FRMD5: variants seen among roughly 807,000 people sequenced by gnomAD.
FRMD5 encodes FERM domain-containing protein 5.
Under a neutral mutation model 69.0 loss-of-function variants are expected in FRMD5, and 20 were observed. The ratio of observed to expected loss-of-function variants is 0.29; its 90% CI spans 0.20 to 0.42. FRMD5 has a LOEUF of 0.42. FRMD5 is among the 10% of genes least tolerant of loss of function. The probability of loss-of-function intolerance (pLI) is 1.00; values close to 1 mark genes in which losing one functional copy is unlikely to be tolerated. For missense variants in FRMD5, 595 were observed against 708.6 expected, an observed-to-expected ratio of 0.84 and a Z score of 1.82; for synonymous variants, 271 against 260.1, an observed-to-expected ratio of 1.04 and a Z score of -0.40.
intron 1 of FRMD5, among the ~76,000 whole-genome samples, chr15:44,039,072 A>G (rs903349824): frequency 1.3e-5 from 2 of 152,190 alleles, no homozygotes; most frequent in Non-Finnish European, 2.9e-5. Flanking sequence ...AGCCTCTCGT[A>G]AGTCTGAACT....
intron 3 of FRMD5, 49 bp downstream of exon 3, chr15:43,919,718 C>T: frequency 6.4e-7 from 1 of 1,570,338 alleles, no homozygotes; most frequent in African/African-American, 1.3e-5. Context: ...AGGTTTCGTC[C>T]CACCCTCCCC....
chr15:44,007,258 T>C (rs1490886691), intron 1 of FRMD5, among the ~76,000 whole-genome samples: 1 of 152,184 alleles, frequency 6.6e-6, no homozygotes, highest in African/African-American at 2.4e-5. Flanking sequence ...CTTGACAGAC[T>C]ACAGTATAGT....
chr15:44,163,091 G>A (rs920183853), intron 1 of FRMD5, among the ~76,000 whole-genome samples: 4 of 151,916 alleles, frequency 2.6e-5, no homozygotes, highest in Non-Finnish European at 5.9e-5. Flanking sequence ...GCAGAACAGC[G>A]TGAACCCGAG....
chr15:44,194,082 G>A (rs2078240917), intron 1 of FRMD5: 1 of 152,234 alleles, frequency 6.6e-6, no homozygotes, highest in African/African-American at 2.4e-5. Flanking sequence ...TTTTTCATAA[G>A]GGAGGAGAGA....
At chr15:43,890,151 TACAC>T (rs2088760927) in intron 8 of FRMD5, among the ~76,000 whole-genome samples, 1 of 152,142 alleles carries the variant, frequency 6.6e-6, no homozygotes. Flanking sequence ...ATCAATCTCA[TACAC>T]ACACAGTACA....
upstream of FRMD5, among the ~76,000 whole-genome samples, chr15:44,196,744 CTCTCTCTT>C (rs1223172224): frequency 5.8e-4 from 64 of 111,070 alleles, no homozygotes; most frequent in East Asian, 5.8e-3. Flanking sequence ...CTCTCTCTCT[CTCTCTCTT>C]TCTCTCTCTC....
intron 1 of FRMD5, among the ~76,000 whole-genome samples, chr15:44,179,649 C>G (rs149414432): frequency 6.6e-6 from 1 of 152,152 alleles, no homozygotes; most frequent in African/African-American, 2.4e-5. Context: ...AGGGAACACA[C>G]ACACATTAAA....
intron 1 of FRMD5, among the ~76,000 whole-genome samples, chr15:44,173,447 A>C (rs9806360): frequency 0.013 from 1,997 of 152,318 alleles, 50 homozygotes; most frequent in African/African-American, 0.046. Flanking sequence ...AAAAACTCCA[A>C]AAATGAGAGA....
At chr15:44,107,164 T>TGTGAATTCACAAACC (rs2076732005) in intron 1 of FRMD5, among the ~76,000 whole-genome samples, 1 of 152,152 alleles carries the variant, frequency 6.6e-6, no homozygotes, top group African/African-American at 2.4e-5. Flanking sequence ...AACGAAATAT[T>TGTGAATTCACAAACC]TGAGAAGGTT....
rs756619918 is a variant in FRMD5 at position 43,902,267 on chromosome 15, A to C, written c.552-5T>G. 2.3e-5 allele frequency: 37 copies of C among 1,610,790 alleles called. No homozygotes were observed. Among genetic ancestry groups the C allele is most frequent in the Middle Eastern group, 1.6e-4 (1 of 6,078 alleles). ...GATGTTGCTGGTGTTTGACCACTGG[A>C]ATAAAGAAGATGAGATGATTTCAAG... On this transcript the variant is annotated splice_polypyrimidine_tract_variant and splice_region_variant and intron_variant, in intron 6 of 13. Coordinates refer to ENST00000417257, the MANE Select transcript of FRMD5 (RefSeq NM_032892.5).
At chr15:44,094,218 T>C (rs529147758) in intron 1 of FRMD5, among the ~76,000 whole-genome samples, 1 of 152,310 alleles carries the variant, frequency 6.6e-6, no homozygotes, top group South Asian at 2.1e-4. Context: ...CCAAGTAGAC[T>C]GTGGAACAAA....
chr15:44,183,347 A>T (rs1350470302), intron 1 of FRMD5, among the ~76,000 whole-genome samples: 1 of 152,230 alleles, frequency 6.6e-6, no homozygotes, highest in Non-Finnish European at 1.5e-5. Context: ...GATTTTTAAA[A>T]GATAAAATAT....
intron 1 of FRMD5, among the ~76,000 whole-genome samples, chr15:43,960,471 G>T (rs1190810052): frequency 6.6e-6 from 1 of 152,096 alleles, no homozygotes. Flanking sequence ...GGATGGTCTC[G>T]ATCTCCCGAC....
chr15:44,167,322 C>G (rs1440628422), intron 1 of FRMD5, among the ~76,000 whole-genome samples: 1 of 151,804 alleles, frequency 6.6e-6, no homozygotes, highest in Non-Finnish European at 1.5e-5. Flanking sequence ...GAGCCAAGAT[C>G]GCATCACTGC....
chr15:44,092,935 T>C (rs2076494453), intron 1 of FRMD5, among the ~76,000 whole-genome samples: 1 of 142,644 alleles, frequency 7.0e-6, no homozygotes, highest in East Asian at 2.1e-4. Context: ...GCCTTTTTTT[T>C]TTTTTTTTTT....
At chr15:44,093,794 G>A (rs962353490) in intron 1 of FRMD5, among the ~76,000 whole-genome samples, 1 of 151,676 alleles carries the variant, frequency 6.6e-6, no homozygotes, top group Non-Finnish European at 1.5e-5. Context: ...GGATGGTCTC[G>A]ATCTCCTAAT....
intron 1 of FRMD5, among the ~76,000 whole-genome samples, chr15:43,966,171 G>C (rs981043859): frequency 3.3e-5 from 5 of 151,682 alleles, no homozygotes; most frequent in African/African-American, 4.8e-5. Flanking sequence ...AGGAGTTCGA[G>C]ACCAGCCTGA....
At chr15:43,968,443 TC>T (rs1847115795) in intron 1 of FRMD5, among the ~76,000 whole-genome samples, 1 of 152,178 alleles carries the variant, frequency 6.6e-6, no homozygotes, top group South Asian at 2.1e-4. Flanking sequence ...TGACCCTTTT[TC>T]TCAGAAGAAT....
intron 1 of FRMD5, among the ~76,000 whole-genome samples, chr15:43,971,919 A>C (rs1449958982): frequency 6.6e-6 from 1 of 150,614 alleles, no homozygotes; most frequent in Admixed American, 6.6e-5. Context: ...TTCACATTTA[A>C]ATATAAGGAT....
Sources: allele counts gnomAD v4.1 joint callset (sites outside exome capture counted in the v4.1 genomes callset), GRCh38; gene constraint gnomAD v4.1.1; transcripts MANE v1.5; gene names NCBI Gene and HGNC (gene_info 2026-07-23, HGNC 2026-07-21).